Variants in CNBD1 observed in about 807,000 individuals in gnomAD.
CNBD1 encodes the protein cyclic nucleotide-binding domain-containing protein 1.
Under a neutral mutation model 54.4 loss-of-function variants are expected in CNBD1, and 71 were observed. The ratio of observed to expected loss-of-function variants is 1.30; its 90% CI spans 1.08 to 1.59. The LOEUF (loss-of-function observed/expected upper bound fraction) is 1.59. Among genes scored for constraint, CNBD1 ranks in the 40% most tolerant of loss-of-function variants. CNBD1 has a pLI of 0.00. For synonymous variants in CNBD1, 182 were observed against 170.7 expected, an observed-to-expected ratio of 1.07 and a Z score of -0.51; for missense variants, 659 against 518.0, an observed-to-expected ratio of 1.27 and a Z score of -2.64.
At chr8:86,995,596 A>T (rs1418751989) in intron 4 of CNBD1, among the ~76,000 whole-genome samples, 2 of 152,188 alleles carry the variant, frequency 1.3e-5, no homozygotes, top group Non-Finnish European at 2.9e-5. Context: ...TATATACCAG[A>T]TAGAGCAAAG....
chr8:86,992,470 CAG>C (rs1808774387), intron 4 of CNBD1, among the ~76,000 whole-genome samples: 2 of 152,128 alleles, frequency 1.3e-5, no homozygotes, highest in South Asian at 4.1e-4. Context: ...CATTTTCATT[CAG>C]AGTTAGTATT....
intron 2 of CNBD1, among the ~76,000 whole-genome samples, chr8:87,399,759 C>G (rs371125779): frequency 6.6e-6 from 1 of 151,912 alleles, no homozygotes; most frequent in South Asian, 2.1e-4. Context: ...AGCTTAGGTG[C>G]TGGTAGGATA....
chr8:87,308,788 A>G (rs1809207536), intron 8 of CNBD1, among the ~76,000 whole-genome samples: 1 of 151,996 alleles, frequency 6.6e-6, no homozygotes, highest in African/African-American at 2.4e-5. Flanking sequence ...TCTACTCTGT[A>G]CCTCCATGAG....
In CNBD1 at chr8:86,870,226, T is replaced by C. The variant is rs970770883; in HGVS notation, c.88+3643T>C. Among the ~76,000 whole-genome samples, 11 of 112,814 alleles carry C rather than the reference T, an allele frequency of 9.8e-5. No homozygotes were observed. In the Admixed American group the frequency reaches 1.2e-3, roughly 12 times the overall value. 74.0% of individuals were successfully genotyped at this position (112,814 alleles called of 152,430 possible). On this transcript the variant is annotated intron_variant, in intron 1 of 10. Coordinates refer to ENST00000518476, the MANE Select transcript of CNBD1 (RefSeq NM_173538.3). Reference sequence around the variant, plus strand: ...TTTTCTGAGACGGAATCTCGCTCTGTCGCCCAGGCTGGAGTGCAGTGGCGT... The same window carrying C: ...TTTTCTGAGACGGAATCTCGCTCTGCCGCCCAGGCTGGAGTGCAGTGGCGT...
At chr8:87,161,590 A>G (rs1812859443) in intron 4 of CNBD1, among the ~76,000 whole-genome samples, 1 of 152,140 alleles carries the variant, frequency 6.6e-6, no homozygotes, top group Non-Finnish European at 1.5e-5. Flanking sequence ...ATCAGTCTAA[A>G]GTTTTAAAAA....
intron 4 of CNBD1, among the ~76,000 whole-genome samples, chr8:86,944,511 TA>T (rs1207547994): frequency 3.7e-4 from 57 of 152,256 alleles, no homozygotes; most frequent in Middle Eastern, 6.8e-3. Context: ...GAGAGACAAT[TA>T]AATACCTTGA....
chr8:87,327,771 C>T (rs10113842), intron 8 of CNBD1, among the ~76,000 whole-genome samples: 1 of 152,054 alleles, frequency 6.6e-6, no homozygotes, highest in Admixed American at 6.5e-5. Flanking sequence ...TTCTGCGTCG[C>T]TCACGCTGGG....
chr8:87,212,331 G>T (rs1467856381), intron 5 of CNBD1, among the ~76,000 whole-genome samples: 2 of 152,086 alleles, frequency 1.3e-5, no homozygotes, highest in East Asian at 3.9e-4. Flanking sequence ...AATACCAATT[G>T]TCTTTTTTTT....
chr8:87,227,690 A>C (rs1354142136), intron 5 of CNBD1, among the ~76,000 whole-genome samples: 3 of 146,070 alleles, frequency 2.1e-5, no homozygotes, highest in East Asian at 3.9e-4. Flanking sequence ...CCTTCATTTC[A>C]ACTTTGGTGA....
At chr8:86,980,897 C>G (rs146228102) in intron 4 of CNBD1, among the ~76,000 whole-genome samples, 451 of 152,304 alleles carry the variant, frequency 3.0e-3, no homozygotes, top group African/African-American at 0.01. Context: ...AGACTCTTCT[C>G]TCAACCACTG....
At chr8:87,086,371 A>T (rs1048547312) in intron 4 of CNBD1, among the ~76,000 whole-genome samples, 2 of 152,168 alleles carry the variant, frequency 1.3e-5, no homozygotes, top group Admixed American at 6.5e-5. Context: ...CCTCTGATTT[A>T]TGCAAGAAAA....
At chr8:86,870,761 G>A (rs1808432532) in intron 1 of CNBD1, among the ~76,000 whole-genome samples, 1 of 152,064 alleles carries the variant, frequency 6.6e-6, no homozygotes, top group Non-Finnish European at 1.5e-5. Flanking sequence ...CAGTGACGAA[G>A]AAAAACAGGG....
chr8:87,202,632 T>C (rs1813887420), intron 4 of CNBD1, among the ~76,000 whole-genome samples: 1 of 152,174 alleles, frequency 6.6e-6, no homozygotes, highest in East Asian at 1.9e-4. Context: ...TGTCTGACTG[T>C]TGAGGGAGCT....
chr8:87,272,852 A>T (rs992809525), intron 6 of CNBD1, among the ~76,000 whole-genome samples: 1 of 152,032 alleles, frequency 6.6e-6, no homozygotes, highest in Non-Finnish European at 1.5e-5. Flanking sequence ...GATTATTTAA[A>T]TTAGTCACTA....
intron 4 of CNBD1, among the ~76,000 whole-genome samples, chr8:87,071,376 C>T (rs948979379): frequency 6.6e-6 from 1 of 152,094 alleles, no homozygotes; most frequent in African/African-American, 2.4e-5. Context: ...GAATCCTTAA[C>T]AAAACTCTTG....
intron 6 of CNBD1, among the ~76,000 whole-genome samples, chr8:87,276,759 A>G (rs1563534810): frequency 1.3e-5 from 2 of 151,874 alleles, no homozygotes; most frequent in African/African-American, 4.8e-5. Flanking sequence ...GAAATACATT[A>G]TTTCGAGCCA....
intron 6 of CNBD1, among the ~76,000 whole-genome samples, chr8:87,259,369 A>G (rs1402292411): frequency 6.6e-6 from 1 of 152,212 alleles, no homozygotes; most frequent in Non-Finnish European, 1.5e-5. Flanking sequence ...AATAAATTGA[A>G]CAATTTTCAA....
chr8:87,340,004 A>C (rs935389435), intron 8 of CNBD1, among the ~76,000 whole-genome samples: 2 of 151,856 alleles, frequency 1.3e-5, no homozygotes, highest in Non-Finnish European at 2.9e-5. Context: ...ATATGCTTTC[A>C]TGTTGTGGTT....
chr8:87,225,717 T>A (rs985962084), intron 5 of CNBD1, among the ~76,000 whole-genome samples: 11 of 152,158 alleles, frequency 7.2e-5, no homozygotes, highest in African/African-American at 2.4e-4. Context: ...TGGTTGTGTC[T>A]CTGCTCGGCT....
Sources: gnomAD v4.1 joint callset for allele counts (sites outside exome capture counted in the v4.1 genomes callset) on GRCh38, gnomAD v4.1.1 for gene constraint, MANE v1.5 for transcripts, NCBI Gene and HGNC (gene_info 2026-07-23, HGNC 2026-07-21) for gene names.